TMEM191C: variants seen among roughly 807,000 people sequenced by gnomAD.
TMEM191C encodes the protein transmembrane protein 191C.
A neutral mutation model predicts 37.1 loss-of-function variants in TMEM191C; 26 were observed. That is an observed-to-expected ratio of 0.70 (90% CI 0.51 to 0.97). The LOEUF (loss-of-function observed/expected upper bound fraction) is 0.97, where lower values mean the gene tolerates loss of function less well. TMEM191C is among the 50% of genes least tolerant of loss of function. The pLI, the probability that TMEM191C is intolerant of heterozygous loss-of-function variation, is 0.00. For missense variants in TMEM191C, 240 were observed against 294.7 expected (o/e 0.81, Z 1.36); for synonymous variants, 115 against 143.7 (o/e 0.80, Z 1.43).
At chr22:21,468,612 AG>A (rs66786407) in intron 4 of TMEM191C, 166 bp from the exon 5 acceptor site, 669,614 of 1,273,808 alleles carry the variant, frequency 0.53, 185,699 homozygotes, top group Non-Finnish European at 0.58. Context: ...CGGAGCGCGG[AG>A]GGGGCGTGGC....
chr22:21,468,169 G>C lies in TMEM191C; in HGVS notation c.297G>C (p.Gln99His). The change falls in exon 3 of 10, where the codon CAG (glutamine) becomes CAC (histidine). Residue 99 changes from glutamine (Q) to histidine (H), a missense_variant. Gln to His is a conservative substitution (Grantham distance 24, BLOSUM62 0). Transcript: ENST00000536718. ...GTCCGCAGGAGCAGCACAGCAGGCA[G>C]CTGCAGGAGCAGTGGGAGGAGCTGT... ...HKEYLEQHSR[Q>H]LQEQWEELSS... The C allele has an allele frequency of 6.6e-7, 1 of 1,518,240 alleles. No individual in the cohort carries two copies. Among genetic ancestry groups the C allele is most frequent in the Non-Finnish European group, 8.8e-7 (1 of 1,141,024 alleles). The allele number at this position is 1,518,240 out of a possible 1,614,324, so 94.0% of individuals were successfully genotyped here.
Position 21,467,964 on chromosome 22 carries a change from G to T in TMEM191C, c.226G>T (p.Ala76Ser), listed in dbSNP as rs1422613338. 2 of 556,022 alleles carry T rather than the reference G, an allele frequency of 3.6e-6. No homozygotes were observed. Among genetic ancestry groups the T allele is most frequent in the Non-Finnish European group, 6.2e-6 (2 of 324,828 alleles). 34.4% of individuals were successfully genotyped at this position (556,022 alleles called of 1,614,324 possible). Residue 76 changes from alanine to serine, a missense_variant, in exon 2 of 10, where the codon GCG becomes TCG. Coordinates refer to ENST00000536718, the MANE Select transcript of TMEM191C (RefSeq NM_001388354.1). ...GGCGCGCGAGGCGGCGCGGGAGCGC[G>T]CGGAGCGGGTGCGCAGAAGACTGGA... ...GEAREAARER[A>S]ERVRRRLEEA...
chr22:21,468,052 G>T lies in TMEM191C; in HGVS notation c.279+35G>T, dbSNP rs1356936026. ...AGTCCTGGAATGGGGCTGGACCCAG[G>T]GTGGGGTGGGGCAGGGCGGGCGGAA... On this transcript the variant is annotated intron_variant, in intron 2 of 9. Transcript: ENST00000536718. 940 of 893,942 alleles carry T rather than the reference G, an allele frequency of 1.1e-3. 10 individuals carry two copies. In the African/African-American group the frequency reaches 0.014, roughly 13 times the overall value. The allele number at this position is 893,942 out of a possible 1,614,324, so 55.4% of individuals were successfully genotyped here.
rs1367163052 is a variant in TMEM191C, at chr22:21,468,353, G to A, written c.331-1G>A. 6 of 1,535,314 alleles carry A rather than the reference G, an allele frequency of 3.9e-6. No individual in the cohort carries two copies. The highest frequency in any genetic ancestry group is 5.2e-6 in the Non-Finnish European group (6 of 1,146,738). ...CCCGCCCTTACAAGCCCCGCCCCTA[G>A]CTCTTCTACTACGGAGGGGAACTGC... On this transcript the variant is annotated splice_acceptor_variant, in intron 3 of 9. Coordinates refer to ENST00000536718, the MANE Select transcript of TMEM191C (RefSeq NM_001388354.1). LOFTEE classifies it high-confidence loss of function.
rs780347850 is a variant in TMEM191C, at chr22:21,468,361, A to T, written c.338A>T (p.Tyr113Phe). 6.5e-7 allele frequency: 1 copy of T among 1,535,278 alleles called. No individual in the cohort carries two copies. Among genetic ancestry groups the T allele is most frequent in the Admixed American group, 2.0e-5 (1 of 50,972 alleles). The change falls in exon 4 of 10, where the codon TAC (tyrosine) becomes TTC (phenylalanine). Residue 113 changes from tyrosine to phenylalanine, a missense_variant. By Grantham distance (22) the Tyr-to-Phe change is conservative (BLOSUM62 3). Around this residue, in one of 3 missense-constraint regions of TMEM191C, gnomAD observed 130 missense variants for 105.7 expected, o/e 1.23. Transcript: ENST00000536718. ...TACAAGCCCCGCCCCTAGCTCTTCT[A>T]CTACGGAGGGGAACTGCAGAGCCAG... The part of the protein sequence containing the change: ...QWEELSSQLF[Y>F]YGGELQSQKS...
In TMEM191C at chr22:21,468,308, C is replaced by T. The variant is rs1013806516; in HGVS notation, c.331-46C>T. ...GTCCCTGTCTCCCCTGACACCCGTT[C>T]CTCCAGAAGCCCGGTAAACCCCGCC... is the stretch of plus-strand genomic sequence containing the variant. On this transcript the variant is annotated intron_variant, in intron 3 of 9. Coordinates refer to ENST00000536718, the MANE Select transcript of TMEM191C (RefSeq NM_001388354.1). 4 of 1,535,328 alleles carry T rather than the reference C, an allele frequency of 2.6e-6. No homozygotes were observed. The African/African-American group carries it at 5.5e-5, about 21-fold the overall frequency.
Position 21,469,619 on chromosome 22 carries a change from G to A in TMEM191C, c.707G>A (p.Arg236Gln), listed in dbSNP as rs914149478. 3 of 1,479,690 alleles carry A rather than the reference G, an allele frequency of 2.0e-6. No individual in the cohort carries two copies. Among genetic ancestry groups the A allele is most frequent in the Admixed American group, 4.8e-5 (2 of 41,850 alleles). 91.7% of individuals were successfully genotyped at this position (1,479,690 alleles called of 1,614,324 possible). A position where few individuals can be genotyped will look rare whatever the true frequency, so the allele number is the denominator to read the frequency against. The change falls in exon 10 of 10, where the codon CGG (arginine) becomes CAG (glutamine). Residue 236 changes from arginine to glutamine, a missense_variant and splice_region_variant. Physicochemically the swap from Arg to Gln is conservative, Grantham distance 43 (BLOSUM62 1). This residue lies in a region of TMEM191C where 76 missense variants were observed against 100.0 expected (regional missense o/e 0.76). Transcript: ENST00000536718. ...CCTGCCCGCCTTTCGCCCCGCAGGC[G>A]GTGCGTGCTGGGCGCGCTGCAGGTG... ...FGGPRALAIR[R>Q]CVLGALQVLL...
rs1256296739 is a variant in TMEM191C at position 21,468,476 on chromosome 22, A to C, written c.408+45A>C. ...AGGTGTTTAGTAGGGGCGGAGCAGC[A>C]GCATGAGCTGGGCCGTGACCACCTG... is the stretch of plus-strand genomic sequence containing the variant. On this transcript the variant is annotated intron_variant, in intron 4 of 9. Transcript: ENST00000536718. 64 of 1,264,418 alleles carry C rather than the reference A, an allele frequency of 5.1e-5. No homozygotes were observed. In the African/African-American group the frequency reaches 1.1e-3, roughly 21 times the overall value. 78.3% of individuals were successfully genotyped at this position (1,264,418 alleles called of 1,614,324 possible). A position where few individuals can be genotyped will look rare whatever the true frequency, so the allele number is the denominator to read the frequency against.
intron 8 of TMEM191C, 56 bp downstream of exon 8, chr22:21,469,402 T>TC (rs1185855380): frequency 8.9e-5 from 115 of 1,289,136 alleles, no homozygotes; most frequent in Middle Eastern, 2.9e-4. Flanking sequence ...ACCCTCCCCG[T>TC]CCCCCCCGCG....
Position 21,469,681 on chromosome 22 carries a change from C to G in TMEM191C, c.769C>G (p.Leu257Val). The change falls in exon 10 of 10, where the codon CTG becomes GTG. Residue 257 changes from leucine to valine, a missense_variant. This residue lies in a region of TMEM191C where 76 missense variants were observed against 100.0 expected (regional missense o/e 0.76). Coordinates refer to ENST00000536718, the MANE Select transcript of TMEM191C (RefSeq NM_001388354.1). The part of the protein sequence containing the change: ...TLPLLFLGLS[L>V]LWTVLLDPGA... ...GCCGCTCCTCTTCCTGGGGCTGTCG[C>G]TGCTCTGGACGGTGCTGTTGGACCC... The G allele has an allele frequency of 6.6e-7, 1 of 1,513,698 alleles. No individual in the cohort carries two copies. Among genetic ancestry groups the G allele is most frequent in the Non-Finnish European group, 8.8e-7 (1 of 1,137,366 alleles). 93.8% of individuals were successfully genotyped at this position (1,513,698 alleles called of 1,614,324 possible). A position where few individuals can be genotyped will look rare whatever the true frequency, so the allele number is the denominator to read the frequency against.
chr22:21,469,691 C>T lies in TMEM191C; in HGVS notation c.779C>T (p.Thr260Met). Residue 260 changes from threonine (T) to methionine (M), a missense_variant, in exon 10 of 10, where the codon ACG becomes ATG. By Grantham distance (81) the Thr-to-Met change is moderately conservative. Around this residue, in one of 3 missense-constraint regions of TMEM191C, gnomAD observed 76 missense variants for 100.0 expected, o/e 0.76. Transcript: ENST00000536718. The part of the protein sequence containing the change: ...LLFLGLSLLW[T>M]VLLDPGAVSA... The stretch of plus-strand genomic sequence containing the variant: ...TTCCTGGGGCTGTCGCTGCTCTGGA[C>T]GGTGCTGTTGGACCCCGGCGCCGTC... 2 of 1,526,634 alleles carry T rather than the reference C, an allele frequency of 1.3e-6. No homozygotes were observed. Among genetic ancestry groups the T allele is most frequent in the Non-Finnish European group, 1.7e-6 (2 of 1,143,138 alleles). The allele number at this position is 1,526,634 out of a possible 1,614,324, so 94.6% of individuals were successfully genotyped here.
At position 21,467,893 on chromosome 22, in the gene TMEM191C, G is replaced by C; in HGVS notation, c.156-1G>C. 1.6e-6 allele frequency: 1 copy of C among 613,300 alleles called. No individual in the cohort carries two copies. Among genetic ancestry groups the C allele is most frequent in the Non-Finnish European group, 2.7e-6 (1 of 372,594 alleles). The allele number at this position is 613,300 out of a possible 1,614,324, so 38.0% of individuals were successfully genotyped here. On this transcript the variant is annotated splice_acceptor_variant, in intron 1 of 9. Coordinates refer to ENST00000536718, the MANE Select transcript of TMEM191C (RefSeq NM_001388354.1). LOFTEE classifies it high-confidence loss of function. ...GCGCCAACCTCAGTTTCCCTCTGCA[G>C]CCTGCTGCGGAGGCGAAGCCAGGCA...
rs761420091 is a variant in TMEM191C, at chr22:21,469,659, G to T, written c.747G>T (p.Pro249=). The part of the protein sequence containing the change: ...LGALQVLLTL[P]LLFLGLSLLW... ...CGCTGCAGGTGCTGCTGACGCTGCCGCTCCTCTTCCTGGGGCTGTCGCTGC... is the reference window on the plus strand; with the variant it reads ...CGCTGCAGGTGCTGCTGACGCTGCCTCTCCTCTTCCTGGGGCTGTCGCTGC... The change falls in exon 10 of 10, where the codon CCG becomes CCT. Residue 249 remains proline (P), a synonymous_variant. Coordinates refer to ENST00000536718, the MANE Select transcript of TMEM191C (RefSeq NM_001388354.1). 41 of 1,487,678 alleles carry T rather than the reference G, an allele frequency of 2.8e-5. 1 individual carries two copies. The South Asian group carries it at 3.4e-4, about 12-fold the overall frequency. The allele number at this position is 1,487,678 out of a possible 1,614,324, so 92.2% of individuals were successfully genotyped here.
intron 8 of TMEM191C, 40 bp downstream of exon 8, chr22:21,469,386 G>A (rs1414516485): frequency 1.5e-6 from 2 of 1,293,524 alleles, no homozygotes; most frequent in South Asian, 1.8e-5. Context: ...GGGCTGGAGC[G>A]GGACAACCCT....
chr22:21,468,280 C>G, intron 3 of TMEM191C, 74 bp from the exon 4 acceptor site: 1 of 1,534,762 alleles, frequency 6.5e-7, no homozygotes. Flanking sequence ...TTGTTGCCTC[C>G]CCGTCCCTGT....
At position 21,469,928 on chromosome 22, in the gene TMEM191C, G is replaced by C. The variant is rs1394345827; in HGVS notation, c.*107G>C. On this transcript the variant is annotated 3_prime_UTR_variant, in exon 10 of 10. Coordinates refer to ENST00000536718, the MANE Select transcript of TMEM191C (RefSeq NM_001388354.1). ...GACCAAGGTTGCCTAATAAACTCAA[G>C]GGATGAAGCTCGTGGGTTCGTCGTC... is the stretch of plus-strand genomic sequence containing the variant. 1 of 1,366,054 alleles carries C rather than the reference G, an allele frequency of 7.3e-7. No individual in the cohort carries two copies. The highest frequency in any genetic ancestry group is 9.5e-7 in the Non-Finnish European group (1 of 1,053,932). The allele number at this position is 1,366,054 out of a possible 1,614,324, so 84.6% of individuals were successfully genotyped here.
intron 3 of TMEM191C, 64 bp downstream of exon 3, chr22:21,468,266 G>A: frequency 3.3e-6 from 5 of 1,534,096 alleles, no homozygotes; most frequent in Non-Finnish European, 3.5e-6. Flanking sequence ...CCTTGTCCTC[G>A]CCCTTGTTGC....
Position 21,467,580 on chromosome 22 carries a change from C to T in TMEM191C, c.121C>T (p.Gln41Ter). The change falls in exon 1 of 10, where the codon CAG (glutamine) becomes TAG (stop). Residue 41 changes from glutamine (Q) to a stop codon, truncating the protein, a stop_gained. Transcript: ENST00000536718. LOFTEE classifies it high-confidence loss of function. ...GLEAESESLN[Q>*]RLQDLSERER... ...CGAGGCCGAGAGCGAGAGCCTCAAC[C>T]AGCGCCTGCAGGACCTGAGCGAGCG... is the stretch of plus-strand genomic sequence containing the variant. 2 of 1,530,142 alleles carry T rather than the reference C, an allele frequency of 1.3e-6. No individual in the cohort carries two copies. The highest frequency in any genetic ancestry group is 1.7e-6 in the Non-Finnish European group (2 of 1,145,192). The allele number at this position is 1,530,142 out of a possible 1,614,324, so 94.8% of individuals were successfully genotyped here.
rs749402011 is a variant in TMEM191C, at chr22:21,467,746, G to T, written c.155+132G>T. 1.4e-5 allele frequency: 7 copies of T among 489,932 alleles called. 3 individuals carry two copies. Among genetic ancestry groups the T allele is most frequent in the South Asian group, 1.3e-4 (7 of 53,474 alleles). The allele number at this position is 489,932 out of a possible 1,614,324, so 30.3% of individuals were successfully genotyped here. A position where few individuals can be genotyped will look rare whatever the true frequency, so the allele number is the denominator to read the frequency against. On this transcript the variant is annotated intron_variant, in intron 1 of 9. Transcript: ENST00000536718. ...TCTCTGCTCTAGGCCCTTGGGAACG[G>T]GTGATCCACCCAGCGGACCCAGGTG...
Sources: allele counts gnomAD v4.1 joint callset, GRCh38; gene constraint gnomAD v4.1.1; regional missense constraint gnomAD v4.1.1; transcripts MANE v1.5; gene names NCBI Gene and HGNC (gene_info 2026-07-23, HGNC 2026-07-21).